Variants in MSRA observed in about 807,000 individuals in gnomAD.
MSRA encodes mitochondrial peptide methionine sulfoxide reductase.
Under a neutral mutation model 31.3 loss-of-function variants are expected in MSRA, and 54 were observed. The ratio of observed to expected loss-of-function variants is 1.73; its 90% confidence interval spans 1.39 to 2.17. MSRA has a LOEUF of 2.17. Ranked by LOEUF, MSRA falls within the 30% of genes most tolerant of loss-of-function variation. The probability of loss-of-function intolerance (pLI) is 0.00; values close to 1 mark genes in which losing one functional copy is unlikely to be tolerated. For missense variants in MSRA, 507 were observed against 300.9 expected (o/e 1.69, Z -5.07); for synonymous variants, 169 against 116.5 (o/e 1.45, Z -2.90).
At chr8:10,061,758 C>A (rs1797199508) in intron 1 of MSRA, among the ~76,000 whole-genome samples, 1 of 152,160 alleles carries the variant, frequency 6.6e-6, no homozygotes, top group Non-Finnish European at 1.5e-5. Flanking sequence ...GGGGCATGTT[C>A]CGAGTTTTTC....
chr8:10,297,150 A>T (rs1453403934), intron 3 of MSRA, among the ~76,000 whole-genome samples: 1 of 152,066 alleles, frequency 6.6e-6, no homozygotes, highest in Non-Finnish European at 1.5e-5. Flanking sequence ...TGACCCCAGA[A>T]TGCCTGATTT....
intron 5 of MSRA, among the ~76,000 whole-genome samples, chr8:10,365,879 C>A (rs561110676): frequency 6.6e-6 from 1 of 152,352 alleles, no homozygotes; most frequent in East Asian, 1.9e-4. Flanking sequence ...CTCCTGGCTC[C>A]AGGCATCTCG....
intron 2 of MSRA, among the ~76,000 whole-genome samples, chr8:10,219,711 CA>C (rs1810310506): frequency 7.3e-6 from 1 of 137,814 alleles, no homozygotes; most frequent in Non-Finnish European, 1.5e-5. Context: ...GAGGCTGAGG[CA>C]GGAGAATGGG....
At chr8:10,384,959 G>A (rs962184217) in intron 5 of MSRA, among the ~76,000 whole-genome samples, 1 of 152,076 alleles carries the variant, frequency 6.6e-6, no homozygotes, top group Non-Finnish European at 1.5e-5. Context: ...CCGTGATTGG[G>A]CCACTGCACT....
In MSRA at chr8:10,287,691, A is replaced by G. The variant is rs532727241; in HGVS notation, c.332-13843A>G. On this transcript the variant is annotated intron_variant, in intron 3 of 5. Coordinates refer to ENST00000317173, the MANE Select transcript of MSRA (RefSeq NM_012331.5). ...CTCATAAGTTAAAATAACGACAGGC[A>G]AAGGCACGTAGTCTAGCTGAATGCT... Among the ~76,000 whole-genome samples the G allele has an allele frequency of 2.6e-4, 40 of 152,314 alleles. 1 individual carries two copies. The highest frequency in any genetic ancestry group is 9.4e-4 in the African/African-American group (39 of 41,578).
At chr8:10,071,560 C>G (rs1333202406) in intron 1 of MSRA, among the ~76,000 whole-genome samples, 1 of 149,104 alleles carries the variant, frequency 6.7e-6, no homozygotes, top group Non-Finnish European at 1.5e-5. Context: ...GTTTTCATGT[C>G]AAGTCTAAGA....
chr8:10,255,403 C>G (rs1798124385), intron 3 of MSRA, among the ~76,000 whole-genome samples: 1 of 152,294 alleles, frequency 6.6e-6, no homozygotes, highest in East Asian at 1.9e-4. Flanking sequence ...CAGCAAGGTC[C>G]CAGAGCATCC....
At chr8:10,390,823 A>T (rs1035594413) in intron 5 of MSRA, among the ~76,000 whole-genome samples, 2 of 152,140 alleles carry the variant, frequency 1.3e-5, no homozygotes, top group Non-Finnish European at 1.5e-5. Context: ...AAAATAAAAA[A>T]AAATTATCTG....
chr8:10,340,092 C>T (rs1265826414), intron 5 of MSRA, among the ~76,000 whole-genome samples: 1 of 152,174 alleles, frequency 6.6e-6, no homozygotes, highest in Non-Finnish European at 1.5e-5. Flanking sequence ...AATGCTGTCA[C>T]AGCCTGGGAA....
chr8:10,355,607 G>A (rs1166927831), intron 5 of MSRA, among the ~76,000 whole-genome samples: 3 of 152,158 alleles, frequency 2.0e-5, no homozygotes, highest in African/African-American at 7.2e-5. Context: ...GCAGGGGAAG[G>A]CCTGTCCCTC....
chr8:10,074,944 C>T (rs1797931110), intron 1 of MSRA, among the ~76,000 whole-genome samples: 1 of 152,186 alleles, frequency 6.6e-6, no homozygotes, highest in African/African-American at 2.4e-5. Flanking sequence ...CAGGTGTGAG[C>T]CACCACGCCC....
intron 1 of MSRA, among the ~76,000 whole-genome samples, chr8:10,154,544 AT>A (rs1290820022): frequency 2.0e-5 from 3 of 151,722 alleles, no homozygotes; most frequent in Non-Finnish European, 4.4e-5. Flanking sequence ...CGCCCAACTA[AT>A]TTTTTGTATT....
At chr8:10,417,241 C>G (rs748285802) in intron 5 of MSRA, among the ~76,000 whole-genome samples, 1 of 152,010 alleles carries the variant, frequency 6.6e-6, no homozygotes, top group African/African-American at 2.4e-5. Flanking sequence ...AGGCTTCAGC[C>G]CCTTTGAACG....
intron 3 of MSRA, among the ~76,000 whole-genome samples, chr8:10,294,671 G>A (rs1485149489): frequency 6.6e-6 from 1 of 152,156 alleles, no homozygotes; most frequent in Non-Finnish European, 1.5e-5. Flanking sequence ...GTAGGGACGT[G>A]GGGGAACAGT....
chr8:10,076,997 T>C (rs1278772673), intron 1 of MSRA, among the ~76,000 whole-genome samples: 1 of 147,142 alleles, frequency 6.8e-6, no homozygotes, highest in Non-Finnish European at 1.5e-5. Context: ...GGTGGTTTGC[T>C]GCACCTATGT....
intron 1 of MSRA, among the ~76,000 whole-genome samples, chr8:10,178,563 G>A (rs1162891246): frequency 2.0e-5 from 3 of 152,196 alleles, no homozygotes; most frequent in African/African-American, 7.2e-5. Context: ...CAGCGATGAA[G>A]ATATAATAGA....
intron 1 of MSRA, among the ~76,000 whole-genome samples, chr8:10,198,419 ACC>A (rs1808185780): frequency 2.6e-5 from 4 of 152,116 alleles, no homozygotes; most frequent in Non-Finnish European, 5.9e-5. Context: ...TTTAAAAGTT[ACC>A]ATATAATACT....
intron 1 of MSRA, among the ~76,000 whole-genome samples, chr8:10,110,740 G>T (rs1438414119): frequency 6.6e-6 from 1 of 152,188 alleles, no homozygotes; most frequent in Non-Finnish European, 1.5e-5. Flanking sequence ...AAGTTATTCT[G>T]TTGAGTTGTG....
chr8:10,194,165 A>C (rs1585137688), intron 1 of MSRA, among the ~76,000 whole-genome samples: 2 of 152,186 alleles, frequency 1.3e-5, no homozygotes, highest in Admixed American at 1.3e-4. Context: ...CTCTCCTCCA[A>C]AGTAAAAAAG....
Sources: allele counts gnomAD v4.1 joint callset (sites outside exome capture counted in the v4.1 genomes callset), GRCh38; gene constraint gnomAD v4.1.1; transcripts MANE v1.5; gene names NCBI Gene and HGNC (gene_info 2026-07-23, HGNC 2026-07-21).